Variants in PTGES2 observed in about 807,000 individuals in gnomAD.
PTGES2 encodes GATE-binding factor 1.
A neutral mutation model predicts 44.5 loss-of-function variants in PTGES2; 35 were observed. The ratio of observed to expected loss-of-function variants is 0.79; its 90% CI spans 0.60 to 1.04. The LOEUF is 1.04. PTGES2 is among the 50% of genes least tolerant of loss of function. The probability of loss-of-function intolerance (pLI) is 0.00; values close to 1 mark genes in which losing one functional copy is unlikely to be tolerated. For missense variants in PTGES2, 517 were observed against 521.4 expected, an observed-to-expected ratio of 0.99 and a Z score of 0.08; for synonymous variants, 221 against 227.5, an observed-to-expected ratio of 0.97 and a Z score of 0.26.
At position 128,123,905 on chromosome 9, in the gene PTGES2, GCCGA is replaced by G. The variant is rs1834520673; in HGVS notation, c.537-58_537-55del. 20 of 1,585,706 alleles carry G rather than the reference GCCGA, an allele frequency of 1.3e-5. No individual in the cohort carries two copies. In the East Asian group the frequency reaches 4.5e-4, roughly 36 times the overall value. On this transcript the variant is annotated intron_variant, in intron 3 of 6. Coordinates refer to ENST00000338961, the MANE Select transcript of PTGES2 (RefSeq NM_025072.7). The surrounding 1 kb of genome is among the most constrained non-coding windows in gnomAD (Gnocchi z 4.4). ...ACTCCTTCCCCCTCCGTCCCCTGTG[GCCGA>G]CCAACCCCGCTGCCCCAGCCTCAGA...
chr9:128,127,928 G>A (rs1226451589), upstream of PTGES2: 2 of 448,494 alleles, frequency 4.5e-6, no homozygotes, highest in African/African-American at 4.1e-5. Flanking sequence ...GGGAACGTTT[G>A]CAGACCGTTC....
chr9:128,126,181 G>C (rs1159837880), intron 1 of PTGES2, among the ~76,000 whole-genome samples: 2 of 152,240 alleles, frequency 1.3e-5, no homozygotes, highest in South Asian at 4.1e-4. Context: ...AAGCTGGACC[G>C]TGGAGGCAGG....
At chr9:128,127,910 G>A (rs950137364), upstream of PTGES2, 6 of 475,956 alleles carry the variant, frequency 1.3e-5, no homozygotes, top group African/African-American at 4.1e-5. Flanking sequence ...AGCCGCAGAG[G>A]CCCGCTCGGG....
Position 128,124,562 on chromosome 9 carries a change from A to AAGGGTGGTTTAATCAG in PTGES2, c.478-28_478-13dup. The AAGGGTGGTTTAATCAG allele has an allele frequency of 6.2e-7, 1 of 1,612,432 alleles. No homozygotes were observed. Among genetic ancestry groups the AAGGGTGGTTTAATCAG allele is most frequent in the Non-Finnish European group, 8.5e-7 (1 of 1,178,888 alleles). ...TCATTTAGTTGTTGCTGGAAGAGAAAAGGGTGGTTTAATCAGAGGTTGCAA... is the reference window on the plus strand; with the variant it reads ...TCATTTAGTTGTTGCTGGAAGAGAAAAGGGTGGTTTAATCAGAGGGTGGTTTAATCAGAGGTTGCAA... On this transcript the variant is annotated splice_polypyrimidine_tract_variant and intron_variant, in intron 2 of 6. Coordinates refer to ENST00000338961, the MANE Select transcript of PTGES2 (RefSeq NM_025072.7).
chr9:128,123,259 T>C lies in PTGES2; in HGVS notation c.687-125A>G. On this transcript the variant is annotated intron_variant, in intron 4 of 6. Coordinates refer to ENST00000338961, the MANE Select transcript of PTGES2 (RefSeq NM_025072.7). The surrounding 1 kb of genome is among the most constrained non-coding windows in gnomAD (Gnocchi z 4.4). ...GCCTGAGCAGGAAGGTCTTTTTTTT[T>C]TTTTTGAGACAAAGTCTCGCTCTGT... 1 of 887,510 alleles carries C rather than the reference T, an allele frequency of 1.1e-6. No homozygotes were observed. The highest frequency in any genetic ancestry group is 2.7e-5 in the East Asian group (1 of 37,596). The allele number at this position is 887,510 out of a possible 1,614,324, so 55.0% of individuals were successfully genotyped here. A position where few individuals can be genotyped will look rare whatever the true frequency, so the allele number is the denominator to read the frequency against.
chr9:128,123,650 C>G lies in PTGES2; in HGVS notation c.686+52G>C, dbSNP rs929369717. 6.3e-7 allele frequency: 1 copy of G among 1,576,190 alleles called. No individual in the cohort carries two copies. Among genetic ancestry groups the G allele is most frequent in the Non-Finnish European group, 8.7e-7 (1 of 1,155,030 alleles). ...TCTTGCTCAGCTTGGTCCTACTCTA[C>G]AGAAGACCCCTGCGGTCACCACCTT... On this transcript the variant is annotated intron_variant, in intron 4 of 6. Coordinates refer to ENST00000338961, the MANE Select transcript of PTGES2 (RefSeq NM_025072.7). The surrounding 1 kb of genome is among the most constrained non-coding windows in gnomAD (Gnocchi z 4.4).
chr9:128,128,091 C>T (rs1172862366), upstream of PTGES2: 6 of 363,510 alleles, frequency 1.7e-5, no homozygotes, highest in Middle Eastern at 4.4e-4. Context: ...TTCAAAACAA[C>T]TCCAGCCCTT....
intron 5 of PTGES2, 59 bp from the exon 6 acceptor site, chr9:128,122,538 G>A (rs1242628691): frequency 6.9e-7 from 1 of 1,453,140 alleles, no homozygotes; most frequent in African/African-American, 1.4e-5. Context: ...CAGCAGGGAA[G>A]AGGGTCTCCT....
chr9:128,128,249 C>T (rs1011737011), upstream of PTGES2: 1 of 452,412 alleles, frequency 2.2e-6, no homozygotes, highest in Non-Finnish European at 4.4e-6. Flanking sequence ...TTCCCGAACC[C>T]GAAGGGGCCT....
In PTGES2 at chr9:128,123,115, G is replaced by A; in HGVS notation, c.706C>T (p.Gln236Ter). Residue 236 changes from glutamine (Q) to a stop codon, truncating the protein, a stop_gained, in exon 5 of 7, where the codon CAG becomes TAG. Coordinates refer to ENST00000338961, the MANE Select transcript of PTGES2 (RefSeq NM_025072.7). LOFTEE classifies it high-confidence loss of function. This position sits in a 1 kb window ranked among gnomAD's most constrained non-coding sequence, Gnocchi z 4.4. ...TGCACCAGCCAGTCGTCCGCCCACT[G>A]CCGCCACTTCATCTCCTCCCTGCGG... Reference protein sequence around the residue: ...EARTEEMKWRQWADDWLVHLI... With the variant: ...EARTEEMKWR 1 of 1,609,938 alleles carries A rather than the reference G, an allele frequency of 6.2e-7. No homozygotes were observed. The highest frequency in any genetic ancestry group is 1.3e-5 in the African/African-American group (1 of 75,036).
At chr9:128,121,472 C>A (rs1834409013) in intron 6 of PTGES2, among the ~76,000 whole-genome samples, 199 bp from the exon 7 acceptor site, 1 of 152,042 alleles carries the variant, frequency 6.6e-6, no homozygotes, top group African/African-American at 2.4e-5. Flanking sequence ...CACATCTGTA[C>A]CCCCTTTTCT....
chr9:128,126,625 G>A (rs767573182), intron 1 of PTGES2, among the ~76,000 whole-genome samples: 9 of 151,866 alleles, frequency 5.9e-5, no homozygotes, highest in Non-Finnish European at 5.9e-5. Flanking sequence ...TTGGGAGGCC[G>A]AGGCGGGTGG....
At chr9:128,125,063 G>A (rs1268932018) in intron 2 of PTGES2, among the ~76,000 whole-genome samples, 181 bp downstream of exon 2, 2 of 152,190 alleles carry the variant, frequency 1.3e-5, no homozygotes, top group African/African-American at 4.8e-5. Flanking sequence ...TTTGGTTTTG[G>A]TACGGAAGGA....
In PTGES2 at chr9:128,123,527, T is replaced by C. The variant is rs1297517522; in HGVS notation, c.686+175A>G. 6.6e-6 allele frequency among the ~76,000 whole-genome samples: 1 copy of C among 151,910 alleles called. No individual in the cohort carries two copies. The highest frequency in any genetic ancestry group is 1.5e-5 in the Non-Finnish European group (1 of 67,960). Reference sequence around the variant, plus strand: ...TCCCAACAGGCTGGGATTACAGGAGTGAGCCACCACGCCCGGCTGCAGGAA... The same window carrying C: ...TCCCAACAGGCTGGGATTACAGGAGCGAGCCACCACGCCCGGCTGCAGGAA... On this transcript the variant is annotated intron_variant, in intron 4 of 6. Transcript: ENST00000338961. The surrounding 1 kb of genome is among the most constrained non-coding windows in gnomAD (Gnocchi z 4.4).
chr9:128,122,641 G>A, intron 5 of PTGES2, 162 bp from the exon 6 acceptor site: 1 of 653,310 alleles, frequency 1.5e-6, no homozygotes, highest in Admixed American at 2.8e-5. Context: ...GTCCCAGACG[G>A]GGAGGCTGTG....
rs1288238182 is a variant in PTGES2, at chr9:128,121,277, G to A, written c.1006-4C>T. 3 of 1,604,266 alleles carry A rather than the reference G, an allele frequency of 1.9e-6. No individual in the cohort carries two copies. Among genetic ancestry groups the A allele is most frequent in the East Asian group, 2.2e-5 (1 of 44,548 alleles). On this transcript the variant is annotated splice_region_variant and splice_polypyrimidine_tract_variant and intron_variant, in intron 6 of 6. Transcript: ENST00000338961. ...CACGCAGCACGCCATACACCGCCTG[G>A]GGCACGAACAGAAACGTGTCACCAT... is the stretch of plus-strand genomic sequence containing the variant.
upstream of PTGES2, chr9:128,128,181 TTC>T (rs1834726392): frequency 1.0e-5 from 2 of 200,914 alleles, no homozygotes; most frequent in African/African-American, 4.4e-5. Flanking sequence ...GGTGTTGCGG[TTC>T]TCTCTGCCCT....
In PTGES2 at chr9:128,120,929, G is replaced by A; in HGVS notation, c.*216C>T. On this transcript the variant is annotated 3_prime_UTR_variant, in exon 7 of 7. Coordinates refer to ENST00000338961, the MANE Select transcript of PTGES2 (RefSeq NM_025072.7). ...AGCAGGGAGGCAGGGACAGGGAGGGGTCGCCCCAGGGCAGTGGCAGGGCTG... is the reference window on the plus strand; with the variant it reads ...AGCAGGGAGGCAGGGACAGGGAGGGATCGCCCCAGGGCAGTGGCAGGGCTG... 1.7e-6 allele frequency: 1 copy of A among 585,872 alleles called. No individual in the cohort carries two copies. The allele number at this position is 585,872 out of a possible 1,614,324, so 36.3% of individuals were successfully genotyped here.
chr9:128,124,766 C>T, intron 2 of PTGES2: 1 of 1,335,090 alleles, frequency 7.5e-7, no homozygotes, highest in Non-Finnish European at 9.6e-7. Flanking sequence ...GGTCTAAGCC[C>T]CAGCCCACTC....
Sources: allele counts gnomAD v4.1 joint callset (sites outside exome capture counted in the v4.1 genomes callset), GRCh38; gene constraint gnomAD v4.1.1; non-coding constraint Gnocchi (gnomAD v3.1); transcripts MANE v1.5; gene names NCBI Gene and HGNC (gene_info 2026-07-23, HGNC 2026-07-21).